Variants in JMJD1C observed in about 807,000 individuals in gnomAD.
The protein encoded by JMJD1C is jumonji domain-containing protein 1C.
JMJD1C carries 31 observed loss-of-function variants against 245.3 expected under a neutral mutation model. The observed-to-expected ratio is 0.13, with a 90% CI of 0.09 to 0.17. The LOEUF (loss-of-function observed/expected upper bound fraction) is 0.17, where lower values mean the gene tolerates loss of function less well. Among genes scored for constraint, JMJD1C ranks in the 10% least tolerant of loss-of-function variants. The pLI, the probability that JMJD1C is intolerant of heterozygous loss-of-function variation, is 1.00. For missense variants in JMJD1C, 2,691 were observed against 3,000.2 expected (o/e 0.90, Z 2.41); for synonymous variants, 1,057 against 1,017.4 (o/e 1.04, Z -0.74).
At chr10:63,439,831 T>C (rs1471322406) in intron 1 of JMJD1C, among the ~76,000 whole-genome samples, 1 of 152,172 alleles carries the variant, frequency 6.6e-6, no homozygotes, top group Non-Finnish European at 1.5e-5. Flanking sequence ...TAGTCTACAG[T>C]TTATTTTTTT....
At chr10:63,456,891 A>G (rs1367493824) in intron 1 of JMJD1C, among the ~76,000 whole-genome samples, 1 of 152,162 alleles carries the variant, frequency 6.6e-6, no homozygotes, top group Non-Finnish European at 1.5e-5. Context: ...ACCTTCACCA[A>G]ATGTTTCCAG....
intron 2 of JMJD1C, among the ~76,000 whole-genome samples, chr10:63,298,589 C>G (rs1224824369): frequency 6.6e-6 from 1 of 152,126 alleles, no homozygotes; most frequent in Admixed American, 6.6e-5. Context: ...TTCAAAAACC[C>G]TATTTCTTAA....
chr10:63,213,812 A>C lies in JMJD1C; in HGVS notation c.2355T>G (p.Gly785=), dbSNP rs751979712. The C allele has an allele frequency of 1.1e-5, 17 of 1,613,924 alleles. No individual in the cohort carries two copies. Among genetic ancestry groups the C allele is most frequent in the Middle Eastern group, 1.6e-4 (1 of 6,084 alleles). Reference sequence around the variant, plus strand: ...GAGGGTGATGAACAGCATGGTGTGGACCACTAGTCAGAGGATGAGTGTTAA... The same window carrying C: ...GAGGGTGATGAACAGCATGGTGTGGCCCACTAGTCAGAGGATGAGTGTTAA... ...PTINTHPLTS[G]PHHAVHHPHL... The change falls in exon 8 of 26, where the codon GGT becomes GGG. Residue 785 remains glycine, a synonymous_variant. Coordinates refer to ENST00000399262, the MANE Select transcript of JMJD1C (RefSeq NM_032776.3).
At chr10:63,233,224 A>T (rs1392536908) in intron 3 of JMJD1C, among the ~76,000 whole-genome samples, 3 of 152,162 alleles carry the variant, frequency 2.0e-5, no homozygotes, top group Non-Finnish European at 4.4e-5. Flanking sequence ...AAATGTGTCC[A>T]ATTAACCTGC....
intron 22 of JMJD1C, among the ~76,000 whole-genome samples, chr10:63,178,185 C>G (rs1843039842): frequency 6.6e-6 from 1 of 152,184 alleles, no homozygotes; most frequent in Non-Finnish European, 1.5e-5. Flanking sequence ...AGGCAATCCA[C>G]CTGCTTGGGC....
intron 1 of JMJD1C, among the ~76,000 whole-genome samples, chr10:63,506,885 T>C (rs1954735300): frequency 6.6e-6 from 1 of 152,076 alleles, no homozygotes; most frequent in Non-Finnish European, 1.5e-5. Context: ...CTGTACATAA[T>C]AGTTTCATTG....
chr10:63,178,652 T>A (rs1420899284), intron 22 of JMJD1C, among the ~76,000 whole-genome samples: 1 of 152,240 alleles, frequency 6.6e-6, no homozygotes, highest in East Asian at 1.9e-4. Context: ...GGTGCTCTCA[T>A]ATTTGATAAT....
chr10:63,330,764 T>C (rs1318962587), intron 2 of JMJD1C, among the ~76,000 whole-genome samples: 1 of 152,192 alleles, frequency 6.6e-6, no homozygotes, highest in Non-Finnish European at 1.5e-5. Context: ...GTTAAAACCA[T>C]TTCTTCTTTA....
At chr10:63,256,737 T>G (rs963738114) in intron 3 of JMJD1C, among the ~76,000 whole-genome samples, 1 of 152,268 alleles carries the variant, frequency 6.6e-6, no homozygotes, top group Non-Finnish European at 1.5e-5. Flanking sequence ...TTCATAGTTA[T>G]GTATTTTTAA....
intron 3 of JMJD1C, among the ~76,000 whole-genome samples, chr10:63,250,750 T>TG (rs1564683185): frequency 6.6e-6 from 1 of 152,144 alleles, no homozygotes. Flanking sequence ...CTTTTATTTT[T>TG]GTTTTTAAGG....
intron 1 of JMJD1C, among the ~76,000 whole-genome samples, chr10:63,437,669 C>A (rs978924729): frequency 7.9e-5 from 12 of 152,152 alleles, no homozygotes. Flanking sequence ...TGTCAATAAT[C>A]TCTGTCTCCA....
chr10:63,464,604 G>C (rs1953053402), intron 1 of JMJD1C, among the ~76,000 whole-genome samples: 1 of 151,786 alleles, frequency 6.6e-6, no homozygotes, highest in African/African-American at 2.4e-5. Context: ...CAGTGAGAAT[G>C]TACTTGGAAC....
chr10:63,335,996 C>G (rs1443283006), intron 2 of JMJD1C, among the ~76,000 whole-genome samples: 1 of 151,788 alleles, frequency 6.6e-6, no homozygotes, highest in Non-Finnish European at 1.5e-5. Flanking sequence ...TAGCTTGTGC[C>G]TGTAGTCCCA....
At chr10:63,227,493 A>G (rs1394757187) in intron 3 of JMJD1C, among the ~76,000 whole-genome samples, 4 of 152,232 alleles carry the variant, frequency 2.6e-5, no homozygotes, top group African/African-American at 4.8e-5. Flanking sequence ...GATAAAAGAA[A>G]TATCACAAAA....
intron 2 of JMJD1C, among the ~76,000 whole-genome samples, chr10:63,296,952 A>T (rs9414788): frequency 6.6e-6 from 1 of 152,084 alleles, no homozygotes; most frequent in African/African-American, 2.4e-5. Flanking sequence ...ACATTTCTTC[A>T]AAGTACCTGT....
intron 2 of JMJD1C, among the ~76,000 whole-genome samples, chr10:63,293,610 GCTGT>G (rs1029585794): frequency 1.9e-4 from 29 of 152,080 alleles, no homozygotes; most frequent in Admixed American, 7.9e-4. Flanking sequence ...ATGTGATCTA[GCTGT>G]CTAATTCTGC....
chr10:63,224,437 A>G (rs1293659477), intron 3 of JMJD1C, among the ~76,000 whole-genome samples: 2 of 152,230 alleles, frequency 1.3e-5, no homozygotes, highest in East Asian at 3.8e-4. Flanking sequence ...CTGATTTATG[A>G]CAGGCATTGT....
At chr10:63,260,179 C>T (rs1051250700) in intron 3 of JMJD1C, among the ~76,000 whole-genome samples, 1 of 152,142 alleles carries the variant, frequency 6.6e-6, no homozygotes, top group Admixed American at 6.5e-5. Context: ...AACCACATTC[C>T]GTATCAAATC....
intron 10 of JMJD1C, chr10:63,203,121 G>T (rs1335995226): frequency 5.1e-6 from 5 of 984,784 alleles, no homozygotes; most frequent in Non-Finnish European, 6.0e-6. Flanking sequence ...AGACATTAAG[G>T]CCCAATTCAT....
Sources: allele counts gnomAD v4.1 joint callset (sites outside exome capture counted in the v4.1 genomes callset), GRCh38; gene constraint gnomAD v4.1.1; transcripts MANE v1.5; gene names NCBI Gene and HGNC (gene_info 2026-07-23, HGNC 2026-07-21).